MKLN1: variants seen among roughly 807,000 people sequenced by gnomAD.
The protein encoded by MKLN1 is muskelin 1.
A neutral mutation model predicts 99.0 loss-of-function variants in MKLN1; 18 were observed. The ratio of observed to expected loss-of-function variants is 0.18; its 90% confidence interval spans 0.13 to 0.27. MKLN1 has a LOEUF of 0.27. Ranked by LOEUF, MKLN1 falls within the 10% of genes least tolerant of loss-of-function variation. MKLN1 has a pLI of 1.00. For synonymous variants in MKLN1, 288 were observed against 293.2 expected, an observed-to-expected ratio of 0.98 and a Z score of 0.18; for missense variants, 621 against 875.9, an observed-to-expected ratio of 0.71 and a Z score of 3.67.
At position 131,145,180 on chromosome 7, in the gene MKLN1, A is replaced by G. The variant is rs10279994; in HGVS notation, c.-297+2239A>G. On this transcript the variant is annotated intron_variant, in intron 2 of 7. Coordinates refer to the MKLN1 transcript ENST00000416992. ...AATTACAAATAGGTTGGAGGATACA[A>G]TCAGATTCTCTCCCCACCCCCAATC... Among the ~76,000 whole-genome samples the G allele has an allele frequency of 1.9e-3, 292 of 152,306 alleles. 1 individual carries two copies. The highest frequency in any genetic ancestry group is 6.2e-3 in the African/African-American group (257 of 41,562).
At position 131,491,488 on chromosome 7, in the gene MKLN1, ATTC is replaced by A. The variant is rs1562893224; in HGVS notation, c.*3763_*3765del. Reference sequence around the variant, plus strand: ...TTATCCTTATTAGTCAAATAACGCTATTCTTTTGTGGTTCTAGACCCTGGCTTC... The same window carrying A: ...TTATCCTTATTAGTCAAATAACGCTATTTTGTGGTTCTAGACCCTGGCTTC... On this transcript the variant is annotated 3_prime_UTR_variant, in exon 18 of 18. Transcript: ENST00000352689. 1 of 152,104 alleles carries A rather than the reference ATTC, an allele frequency of 6.6e-6. No homozygotes were observed. The highest frequency in any genetic ancestry group is 2.4e-5 in the African/African-American group (1 of 41,420). 9.4% of individuals were successfully genotyped at this position (152,104 alleles called of 1,614,324 possible).
chr7:131,164,549 T>C (rs1032127533), intron 2 of MKLN1, among the ~76,000 whole-genome samples: 2 of 152,248 alleles, frequency 1.3e-5, no homozygotes, highest in African/African-American at 4.8e-5. Context: ...TAGACATATA[T>C]GTGCCATTTT....
intron 2 of MKLN1, among the ~76,000 whole-genome samples, chr7:131,379,984 G>C (rs1015418621): frequency 6.6e-6 from 1 of 152,144 alleles, no homozygotes; most frequent in Non-Finnish European, 1.5e-5. Context: ...TAGCACCTTT[G>C]ACAAACCCCT....
chr7:131,204,795 G>A (rs1482606476), intron 3 of MKLN1, among the ~76,000 whole-genome samples: 5 of 152,180 alleles, frequency 3.3e-5, no homozygotes, highest in African/African-American at 4.8e-5. Flanking sequence ...TTAGCCAGGC[G>A]TGGTGGCAGG....
At chr7:131,277,872 G>A (rs1047737217) in intron 3 of MKLN1, among the ~76,000 whole-genome samples, 1 of 151,982 alleles carries the variant, frequency 6.6e-6, no homozygotes, top group African/African-American at 2.4e-5. Flanking sequence ...ATTATCACAT[G>A]TACCCTCCCA....
intron 3 of MKLN1, among the ~76,000 whole-genome samples, chr7:131,236,438 A>G (rs762861976): frequency 6.6e-6 from 1 of 152,216 alleles, no homozygotes; most frequent in African/African-American, 2.4e-5. Context: ...AGGTAGGCAG[A>G]TCACTCGAGG....
chr7:131,274,488 C>T (rs1797931371), intron 3 of MKLN1, among the ~76,000 whole-genome samples: 1 of 151,504 alleles, frequency 6.6e-6, no homozygotes, highest in African/African-American at 2.4e-5. Context: ...ACAAAAAATA[C>T]AAAAATTAGC....
intron 3 of MKLN1, among the ~76,000 whole-genome samples, chr7:131,306,922 G>A (rs914018668): frequency 1.3e-5 from 2 of 152,200 alleles, no homozygotes; most frequent in African/African-American, 4.8e-5. Context: ...AGACCTTCAT[G>A]GCAGCCCCTC....
intron 1 of MKLN1, among the ~76,000 whole-genome samples, chr7:131,367,921 T>C (rs1584658809): frequency 6.6e-6 from 1 of 152,284 alleles, no homozygotes; most frequent in South Asian, 2.1e-4. Flanking sequence ...GTTGAATTGA[T>C]ATCATGATTG....
chr7:131,331,791 T>C (rs1204087132), intron 1 of MKLN1, among the ~76,000 whole-genome samples: 1 of 152,156 alleles, frequency 6.6e-6, no homozygotes, highest in East Asian at 1.9e-4. Context: ...GAAAAATAGA[T>C]TTTATCTTGA....
chr7:131,287,566 G>C (rs961481007), intron 3 of MKLN1, among the ~76,000 whole-genome samples: 3 of 152,098 alleles, frequency 2.0e-5, no homozygotes, highest in Admixed American at 2.0e-4. Flanking sequence ...CCTCCTCTCA[G>C]GATAAGGTCC....
intron 1 of MKLN1, among the ~76,000 whole-genome samples, chr7:131,369,371 A>G (rs1030154395): frequency 6.6e-6 from 1 of 152,186 alleles, no homozygotes; most frequent in African/African-American, 2.4e-5. Context: ...TAATTTTCTG[A>G]TAATTAGGAA....
intron 3 of MKLN1, among the ~76,000 whole-genome samples, chr7:131,315,875 A>G (rs1017273968): frequency 1.4e-4 from 22 of 152,158 alleles, no homozygotes; most frequent in African/African-American, 5.3e-4. Context: ...GGCATCTCTG[A>G]AGCAAAGGTA....
chr7:131,170,787 T>A (rs1450868116), intron 2 of MKLN1, among the ~76,000 whole-genome samples: 3 of 152,166 alleles, frequency 2.0e-5, no homozygotes, highest in Non-Finnish European at 4.4e-5. Context: ...TTAATAGAAA[T>A]CCACAAACCC....
chr7:131,479,258 G>A (rs977770811), intron 17 of MKLN1, among the ~76,000 whole-genome samples: 3 of 152,180 alleles, frequency 2.0e-5, no homozygotes, highest in South Asian at 2.1e-4. Flanking sequence ...ACTGTAGGCC[G>A]GGCACAGTGG....
chr7:131,445,742 ACTC>A, intron 11 of MKLN1, 29 bp from the exon 12 acceptor site: 1 of 1,556,656 alleles, frequency 6.4e-7, no homozygotes, highest in Non-Finnish European at 8.7e-7. Flanking sequence ...GTGATAAGTT[ACTC>A]CTTTCTTTTT....
At chr7:131,113,667 CAAAAAAAAAA>C (rs71168363) in intron 1 of MKLN1, among the ~76,000 whole-genome samples, 7 of 96,504 alleles carry the variant, frequency 7.3e-5, no homozygotes, top group African/African-American at 2.5e-4. Flanking sequence ...TACAAAAATA[CAAAAAAAAAA>C]AAAAAAAAAA....
At chr7:131,242,177 C>A (rs1797413960) in intron 3 of MKLN1, among the ~76,000 whole-genome samples, 1 of 152,190 alleles carries the variant, frequency 6.6e-6, no homozygotes, top group African/African-American at 2.4e-5. Flanking sequence ...CTATTGTCAT[C>A]TGTTGAGGGC....
chr7:131,192,069 A>G (rs1385062159), intron 2 of MKLN1, among the ~76,000 whole-genome samples: 1 of 103,684 alleles, frequency 9.6e-6, no homozygotes, highest in African/African-American at 4.2e-5. Flanking sequence ...TATATATATT[A>G]TATATATACA....
Sources: allele counts gnomAD v4.1 joint callset (sites outside exome capture counted in the v4.1 genomes callset), GRCh38; gene constraint gnomAD v4.1.1; transcripts MANE v1.5; gene names NCBI Gene and HGNC (gene_info 2026-07-23, HGNC 2026-07-21).